ARHGEF18: variants seen among roughly 807,000 people sequenced by gnomAD.
ARHGEF18 encodes Rho/Rac guanine nucleotide exchange factor 18, also known as rho guanine nucleotide exchange factor 18.
A neutral mutation model predicts 155.7 loss-of-function variants in ARHGEF18; 93 were observed. That is an observed-to-expected ratio of 0.60 (90% CI 0.50 to 0.71). The LOEUF is 0.71. Ranked by LOEUF, ARHGEF18 falls within the 30% of genes least tolerant of loss-of-function variation. ARHGEF18 has a pLI of 0.00. For missense variants in ARHGEF18, 1,593 were observed against 1,816.1 expected (o/e 0.88, Z 2.23); for synonymous variants, 742 against 753.1 (o/e 0.99, Z 0.24).
rs1600494738 is a variant in ARHGEF18, at chr19:7,451,356, GA to G, written c.1855+92del. ...CCACTCCCTATTTGAGCAGCAAACTGAATAAATTCCCTTTGAAATCCAGTTT... is the reference window on the plus strand; with the variant it reads ...CCACTCCCTATTTGAGCAGCAAACTGATAAATTCCCTTTGAAATCCAGTTT... On this transcript the variant is annotated intron_variant, in intron 16 of 28. Coordinates refer to ENST00000668164, the MANE Select transcript of ARHGEF18 (RefSeq NM_001367823.1). The G allele has an allele frequency of 7.2e-5, 75 of 1,040,932 alleles. No individual in the cohort carries two copies. In the East Asian group the frequency reaches 2.1e-3, roughly 29 times the overall value. 64.5% of individuals were successfully genotyped at this position (1,040,932 alleles called of 1,614,324 possible).
chr19:7,348,965 G>T lies in ARHGEF18; in HGVS notation c.-387G>T, dbSNP rs1969095569. ...ACACCTGCATGCGCAGGGCTGAGGG[G>T]TGGGAGCAGGGCTCTCTGCCTCCAG... On this transcript the variant is annotated 5_prime_UTR_variant, in exon 1 of 29. Transcript: ENST00000668164. 1 of 152,432 alleles carries T rather than the reference G, an allele frequency of 6.6e-6. No individual in the cohort carries two copies. The allele number at this position is 152,432 out of a possible 1,614,324, so 9.4% of individuals were successfully genotyped here.
At position 7,444,934 on chromosome 19, in the gene ARHGEF18, GC is replaced by G. The variant is rs77500241; in HGVS notation, c.1611+482del. On this transcript the variant is annotated intron_variant, in intron 14 of 28. Coordinates refer to ENST00000668164, the MANE Select transcript of ARHGEF18 (RefSeq NM_001367823.1). This position sits in a 1 kb window ranked among gnomAD's most constrained non-coding sequence, Gnocchi z 4.7. ...ATCACAGGCATGAGCCATTGTGCCAGCCTTTTCCTTTCAGTAATAAAACGAG... is the reference window on the plus strand; with the variant it reads ...ATCACAGGCATGAGCCATTGTGCCAGCTTTTCCTTTCAGTAATAAAACGAG... 0.21 allele frequency among the ~76,000 whole-genome samples: 31,505 copies of G among 152,186 alleles called. 3,469 individuals carry two copies. The highest frequency in any genetic ancestry group is 0.23 in the Admixed American group (3,571 of 15,286).
intron 10 of ARHGEF18, among the ~76,000 whole-genome samples, chr19:7,405,238 C>T (rs1171766912): frequency 6.6e-6 from 1 of 152,200 alleles, no homozygotes; most frequent in African/African-American, 2.4e-5. Context: ...GGATTACAGG[C>T]GTGAGCCACC....
In ARHGEF18 at chr19:7,468,785, A is replaced by G. The variant is rs577461412; in HGVS notation, c.3481-40A>G. The G allele has an allele frequency of 1.7e-4, 250 of 1,492,408 alleles. 2 individuals are homozygous for G. In the South Asian group the frequency reaches 3.2e-3, roughly 19 times the overall value. The allele number at this position is 1,492,408 out of a possible 1,614,324, so 92.4% of individuals were successfully genotyped here. The stretch of plus-strand genomic sequence containing the variant: ...GGGGGCTCTCCAGAGGCCGCACAGC[A>G]GGAACCTCACATTGGATGTATCTGC... On this transcript the variant is annotated intron_variant, in intron 26 of 28. Transcript: ENST00000668164.
chr19:7,460,886 C>G (rs1976199220), intron 20 of ARHGEF18, among the ~76,000 whole-genome samples: 1 of 151,510 alleles, frequency 6.6e-6, no homozygotes, highest in Admixed American at 6.6e-5. Flanking sequence ...CCTATCAGGT[C>G]CAAGAGATTC....
intron 10 of ARHGEF18, among the ~76,000 whole-genome samples, chr19:7,411,131 G>A (rs73921403): frequency 3.3e-5 from 5 of 151,942 alleles, no homozygotes; most frequent in Non-Finnish European, 5.9e-5. Flanking sequence ...CCTGGGCAGC[G>A]CAGGGCCTCT....
At chr19:7,352,896 G>A (rs1461416733) in intron 1 of ARHGEF18, among the ~76,000 whole-genome samples, 2 of 125,096 alleles carry the variant, frequency 1.6e-5, no homozygotes, top group Non-Finnish European at 3.2e-5. Flanking sequence ...GAGTGCAGTG[G>A]CATGATCTTG....
At chr19:7,368,454 T>TA (rs1970043250) in intron 2 of ARHGEF18, among the ~76,000 whole-genome samples, 1 of 152,128 alleles carries the variant, frequency 6.6e-6, no homozygotes, top group Non-Finnish European at 1.5e-5. Context: ...GCCCAAGATA[T>TA]GTCAGAACAA....
At chr19:7,413,475 G>C (rs1049502784) in intron 10 of ARHGEF18, among the ~76,000 whole-genome samples, 1 of 151,876 alleles carries the variant, frequency 6.6e-6, no homozygotes, top group African/African-American at 2.4e-5. Flanking sequence ...CTAATTTTTT[G>C]CATTTTTAGT....
At chr19:7,409,062 T>TG (rs1479394981) in intron 10 of ARHGEF18, among the ~76,000 whole-genome samples, 1 of 146,350 alleles carries the variant, frequency 6.8e-6, no homozygotes, top group East Asian at 2.0e-4. Flanking sequence ...TGTTTCTTTT[T>TG]TTTTTTTTTT....
At chr19:7,451,553 G>A (rs1437616110) in intron 16 of ARHGEF18, among the ~76,000 whole-genome samples, 2 of 151,794 alleles carry the variant, frequency 1.3e-5, no homozygotes, top group South Asian at 2.1e-4. Flanking sequence ...TGGGACTACA[G>A]GCATACGCCA....
rs150705901 is a variant in ARHGEF18, at chr19:7,385,915, C to CCTCT, written c.967+2730_967+2733dup. On this transcript the variant is annotated intron_variant, in intron 10 of 28. Coordinates refer to ENST00000668164, the MANE Select transcript of ARHGEF18 (RefSeq NM_001367823.1). ...CCCTCCCTCTCTCTCTCCCTCTCTCCCTCTCTCTCTCTCTCTCTCTCCCCC... is the reference window on the plus strand; with the variant it reads ...CCCTCCCTCTCTCTCTCCCTCTCTCCCTCTCTCTCTCTCTCTCTCTCTCTCCCCC... 2.2e-3 allele frequency among the ~76,000 whole-genome samples: 74 copies of CCTCT among 33,728 alleles called. 3 individuals are homozygous for CCTCT. The highest frequency in any genetic ancestry group is 0.018 in the African/African-American group (64 of 3,550). The allele number at this position is 33,728 out of a possible 152,430, so 22.1% of individuals were successfully genotyped here. A position where few individuals can be genotyped will look rare whatever the true frequency, so the allele number is the denominator to read the frequency against.
Position 7,395,106 on chromosome 19 carries a change from T to C in ARHGEF18, c.967+11903T>C, listed in dbSNP as rs1000909805. The C allele has an allele frequency of 1.0e-6, 1 of 985,518 alleles. No homozygotes were observed. The highest frequency in any genetic ancestry group is 1.2e-6 in the Non-Finnish European group (1 of 829,984). The allele number at this position is 985,518 out of a possible 1,614,324, so 61.0% of individuals were successfully genotyped here. Reference sequence around the variant, plus strand: ...CTCCGAGGCGGGATCGCGCATGCGCTGCTCTCCTCGCGCGGCTTCCCGCTT... The same window carrying C: ...CTCCGAGGCGGGATCGCGCATGCGCCGCTCTCCTCGCGCGGCTTCCCGCTT... On this transcript the variant is annotated intron_variant, in intron 10 of 28. Coordinates refer to ENST00000668164, the MANE Select transcript of ARHGEF18 (RefSeq NM_001367823.1). This position sits in a 1 kb window ranked among gnomAD's most constrained non-coding sequence, Gnocchi z 5.0.
intron 12 of ARHGEF18, 73 bp downstream of exon 12, chr19:7,441,838 C>T: frequency 6.2e-7 from 1 of 1,612,262 alleles, no homozygotes; most frequent in African/African-American, 1.3e-5. Flanking sequence ...GGGCTCGTGT[C>T]AGCATGTCTA....
downstream of ARHGEF18, chr19:7,472,758 G>A (rs1242292665): frequency 5.8e-6 from 2 of 344,286 alleles, no homozygotes; most frequent in Non-Finnish European, 1.2e-5. Flanking sequence ...GGAGACCAGT[G>A]GCAGGTTCTC....
chr19:7,352,832 CTTT>C (rs587602037), intron 1 of ARHGEF18, among the ~76,000 whole-genome samples: 10 of 49,884 alleles, frequency 2.0e-4, no homozygotes, highest in African/African-American at 6.2e-4. Flanking sequence ...CGTGCCTGGC[CTTT>C]TTTTTTTTTT....
At chr19:7,385,870 T>TCCC (rs1279086371) in intron 10 of ARHGEF18, among the ~76,000 whole-genome samples, 1 of 29,566 alleles carries the variant, frequency 3.4e-5, no homozygotes, top group African/African-American at 1.9e-4. Flanking sequence ...TCTCTCTCTC[T>TCCC]CCCCCCTCCC....
chr19:7,464,457 T>A, intron 22 of ARHGEF18, 103 bp from the exon 23 acceptor site: 1 of 1,447,398 alleles, frequency 6.9e-7, no homozygotes, highest in Non-Finnish European at 9.3e-7. Flanking sequence ...CATTCGGGCC[T>A]AGCCTGGGTT....
rs1420076959 is a variant in ARHGEF18, at chr19:7,472,466, G to A, written c.*2168G>A. ...TTAAGACCTGATTCTAGCAATAAACGTGTCCGAGATGAGCGGTGACTGGCG... is the reference window on the plus strand; with the variant it reads ...TTAAGACCTGATTCTAGCAATAAACATGTCCGAGATGAGCGGTGACTGGCG... On this transcript the variant is annotated 3_prime_UTR_variant, in exon 29 of 29. Transcript: ENST00000668164. 1.2e-5 allele frequency: 2 copies of A among 160,148 alleles called. No individual in the cohort carries two copies. The highest frequency in any genetic ancestry group is 1.4e-5 in the Non-Finnish European group (1 of 71,812). 9.9% of individuals were successfully genotyped at this position (160,148 alleles called of 1,614,324 possible). A position where few individuals can be genotyped will look rare whatever the true frequency, so the allele number is the denominator to read the frequency against.
Sources: gnomAD v4.1 joint callset for allele counts (sites outside exome capture counted in the v4.1 genomes callset) on GRCh38, gnomAD v4.1.1 for gene constraint, Gnocchi (gnomAD v3.1) non-coding constraint, MANE v1.5 for transcripts, NCBI Gene and HGNC (gene_info 2026-07-23, HGNC 2026-07-21) for gene names.